Variants in RSBN1L observed in about 807,000 individuals in gnomAD.
RSBN1L encodes lysine-specific demethylase RSBN1L.
RSBN1L carries 30 observed loss-of-function variants against 67.7 expected under a neutral mutation model. The observed-to-expected ratio is 0.44, with a 90% CI of 0.33 to 0.60. The LOEUF (loss-of-function observed/expected upper bound fraction) is 0.60, where lower values mean the gene tolerates loss of function less well. RSBN1L is among the 20% of genes least tolerant of loss of function. RSBN1L has a pLI of 0.02. For synonymous variants in RSBN1L, 433 were observed against 387.0 expected, an observed-to-expected ratio of 1.12 and a Z score of -1.39; for missense variants, 992 against 1,031.7, an observed-to-expected ratio of 0.96 and a Z score of 0.53.
chr7:77,696,819 C>G lies in RSBN1L; in HGVS notation c.350C>G (p.Ser117Cys), dbSNP rs774492269. 3.7e-6 allele frequency: 6 copies of G among 1,613,678 alleles called. No homozygotes were observed. Among genetic ancestry groups the G allele is most frequent in the East Asian group, 4.5e-5 (2 of 44,878 alleles). Residue 117 changes from serine (S) to cysteine (C), a missense_variant, in exon 1 of 8, where the codon TCC becomes TGC. Physicochemically the swap from Ser to Cys is moderately radical, Grantham distance 112. This residue lies in a region of RSBN1L where 575 missense variants were observed against 483.2 expected (regional missense o/e 1.19). Transcript: ENST00000334955. ...SAGTAVPSSA[S>C]ASLSQPVPRK... Reference sequence around the variant, plus strand: ...GGCACGGCCGTTCCCTCCTCAGCCTCCGCTTCCTTGTCTCAGCCGGTGCCG... The same window carrying G: ...GGCACGGCCGTTCCCTCCTCAGCCTGCGCTTCCTTGTCTCAGCCGGTGCCG...
At chr7:77,710,648 T>C (rs1399873509) in intron 1 of RSBN1L, among the ~76,000 whole-genome samples, 2 of 152,040 alleles carry the variant, frequency 1.3e-5, no homozygotes, top group African/African-American at 4.8e-5. Context: ...CAGGTTGGAG[T>C]GTAGTGGCGC....
At position 77,749,954 on chromosome 7, in the gene RSBN1L, C is replaced by T; in HGVS notation, c.1234C>T (p.Pro412Ser). 3 of 1,613,966 alleles carry T rather than the reference C, an allele frequency of 1.9e-6. No homozygotes were observed. Among genetic ancestry groups the T allele is most frequent in the Non-Finnish European group, 2.5e-6 (3 of 1,179,932 alleles). ...TGTTCATGGGGCAGCTACTTATTTA[C>T]CTGACTTTTTAGACTATTTTTCATT... The part of the protein sequence containing the change: ...GIVHGAATYL[P>S]DFLDYFSFNF... The change falls in exon 3 of 8, where the codon CCT becomes TCT. Residue 412 changes from proline (P) to serine (S), a missense_variant. This residue lies in a region of RSBN1L where 63 missense variants were observed against 84.8 expected (regional missense o/e 0.74). Coordinates refer to ENST00000334955, the MANE Select transcript of RSBN1L (RefSeq NM_198467.3).
At chr7:77,713,457 C>T (rs1034181489) in intron 1 of RSBN1L, among the ~76,000 whole-genome samples, 42 of 151,734 alleles carry the variant, frequency 2.8e-4, no homozygotes, top group South Asian at 2.1e-3. Flanking sequence ...CCCAGGTTCA[C>T]GCCATTCTCC....
Position 77,765,918 on chromosome 7 carries a change from T to C in RSBN1L, c.1482+286T>C, listed in dbSNP as rs184929965. Reference sequence around the variant, plus strand: ...CATGAAATAACACCTCTTAACACTTTAGGAAATTAGGTTCCATGTGTTTAT... The same window carrying C: ...CATGAAATAACACCTCTTAACACTTCAGGAAATTAGGTTCCATGTGTTTAT... On this transcript the variant is annotated intron_variant, in intron 4 of 7. Coordinates refer to ENST00000334955, the MANE Select transcript of RSBN1L (RefSeq NM_198467.3). Among the ~76,000 whole-genome samples the C allele has an allele frequency of 5.3e-5, 8 of 152,306 alleles. No individual in the cohort carries two copies. The East Asian group carries it at 5.8e-4, about 11-fold the overall frequency.
Position 77,779,255 on chromosome 7 carries a change from TCC to T in RSBN1L, c.*88_*89del. ...TTCTGAAAGCAAGCCAAGGACTTGC[TCC>T]TATGTCTGTTACAAAACATAGTTTA... On this transcript the variant is annotated 3_prime_UTR_variant, in exon 8 of 8. Coordinates refer to ENST00000334955, the MANE Select transcript of RSBN1L (RefSeq NM_198467.3). The T allele has an allele frequency of 3.3e-6, 3 of 907,442 alleles. No individual in the cohort carries two copies. Among genetic ancestry groups the T allele is most frequent in the Non-Finnish European group, 5.0e-6 (3 of 603,668 alleles). 56.2% of individuals were successfully genotyped at this position (907,442 alleles called of 1,614,324 possible).
At chr7:77,743,075 A>G (rs952863068) in intron 2 of RSBN1L, among the ~76,000 whole-genome samples, 4 of 150,058 alleles carry the variant, frequency 2.7e-5, no homozygotes, top group African/African-American at 9.9e-5. Context: ...TTTTTTCGAG[A>G]CAAGGTCTTA....
At chr7:77,713,058 TTTA>T (rs1246528152) in intron 1 of RSBN1L, among the ~76,000 whole-genome samples, 36 of 152,186 alleles carry the variant, frequency 2.4e-4, no homozygotes, top group Admixed American at 2.3e-3. Context: ...TGTTGAAGAT[TTTA>T]TTATTTGCAT....
intron 5 of RSBN1L, 46 bp downstream of exon 5, chr7:77,768,849 G>A: frequency 6.4e-7 from 1 of 1,563,092 alleles, no homozygotes; most frequent in South Asian, 1.1e-5. Flanking sequence ...GTGTTTGTAT[G>A]TTGGGGTGTG....
chr7:77,710,740 C>T (rs537281602), intron 1 of RSBN1L, among the ~76,000 whole-genome samples: 7 of 151,968 alleles, frequency 4.6e-5, no homozygotes, highest in African/African-American at 1.4e-4. Context: ...GGATTACAGG[C>T]GCCTGCCATC....
rs201962177 is a variant in RSBN1L, at chr7:77,743,836, A to AT, written c.704-5580dup. 7.9e-3 allele frequency among the ~76,000 whole-genome samples: 1,202 copies of AT among 151,514 alleles called. 18 individuals are homozygous for AT. The highest frequency in any genetic ancestry group is 0.028 in the African/African-American group (1,154 of 41,304). On this transcript the variant is annotated intron_variant, in intron 2 of 7. Coordinates refer to ENST00000334955, the MANE Select transcript of RSBN1L (RefSeq NM_198467.3). Reference sequence around the variant, plus strand: ...ATTGCATTACTGCCTTCTTTCCCTGATTTTTTTTGATTGTTTCATCTTTCA... The same window carrying AT: ...ATTGCATTACTGCCTTCTTTCCCTGATTTTTTTTTGATTGTTTCATCTTTCA...
chr7:77,709,110 G>T (rs1408656642), intron 1 of RSBN1L, among the ~76,000 whole-genome samples: 1 of 151,304 alleles, frequency 6.6e-6, no homozygotes, highest in Non-Finnish European at 1.5e-5. Flanking sequence ...TGAGTCAGTG[G>T]TAAGGGTTAA....
chr7:77,777,888 G>A (rs149888514), intron 6 of RSBN1L, among the ~76,000 whole-genome samples: 1 of 152,098 alleles, frequency 6.6e-6, no homozygotes, highest in East Asian at 1.9e-4. Context: ...AATTTATAAA[G>A]TTATTTAAGA....
At chr7:77,715,679 G>T (rs970312093) in intron 1 of RSBN1L, among the ~76,000 whole-genome samples, 14 of 152,096 alleles carry the variant, frequency 9.2e-5, no homozygotes, top group Admixed American at 2.6e-4. Context: ...AGAAACTGCT[G>T]AACTGTTTTC....
At chr7:77,732,393 C>T (rs979538548) in intron 1 of RSBN1L, among the ~76,000 whole-genome samples, 3 of 151,982 alleles carry the variant, frequency 2.0e-5, no homozygotes, top group African/African-American at 4.8e-5. Flanking sequence ...AGTGCAGTGG[C>T]GCCATCTTAG....
intron 3 of RSBN1L, among the ~76,000 whole-genome samples, chr7:77,759,086 CTG>C (rs1272942615): frequency 2.0e-5 from 3 of 152,208 alleles, no homozygotes; most frequent in Admixed American, 6.5e-5. Context: ...TCTGATCTGA[CTG>C]TTAGACCTGC....
chr7:77,716,906 CAGGCATG>C (rs752878044), intron 1 of RSBN1L, among the ~76,000 whole-genome samples: 37 of 151,570 alleles, frequency 2.4e-4, no homozygotes, highest in African/African-American at 6.5e-4. Context: ...GCTGAAATTA[CAGGCATG>C]AGGCATGAGG....
intron 3 of RSBN1L, among the ~76,000 whole-genome samples, chr7:77,756,586 C>G (rs889653628): frequency 2.0e-5 from 3 of 151,946 alleles, no homozygotes; most frequent in African/African-American, 4.8e-5. Flanking sequence ...ACCAGCCTGG[C>G]CAATATGGTG....
intron 3 of RSBN1L, among the ~76,000 whole-genome samples, chr7:77,752,914 T>C (rs1791572282): frequency 6.6e-6 from 1 of 152,198 alleles, no homozygotes; most frequent in African/African-American, 2.4e-5. Flanking sequence ...AGTACGTACA[T>C]TGTTGTGTCT....
At chr7:77,774,488 G>A (rs1051099625) in intron 6 of RSBN1L, among the ~76,000 whole-genome samples, 4 of 152,124 alleles carry the variant, frequency 2.6e-5, no homozygotes, top group Admixed American at 2.0e-4. Context: ...CAGCACTTTC[G>A]GAGGCTGAGG....
Sources: gnomAD v4.1 joint callset for allele counts (sites outside exome capture counted in the v4.1 genomes callset) on GRCh38, gnomAD v4.1.1 for gene constraint, gnomAD v4.1.1 regional missense constraint, MANE v1.5 for transcripts, NCBI Gene and HGNC (gene_info 2026-07-23, HGNC 2026-07-21) for gene names.